ESPN: variants seen among roughly 807,000 people sequenced by gnomAD.
ESPN encodes the protein autosomal recessive deafness type 36 protein.
Under a neutral mutation model 77.7 loss-of-function variants are expected in ESPN, and 68 were observed. That is an observed-to-expected ratio of 0.87 (90% CI 0.72 to 1.07). The LOEUF is 1.07. Among genes scored for constraint, ESPN ranks in the 50% least tolerant of loss-of-function variants. The probability of loss-of-function intolerance (pLI) is 0.00; values close to 1 mark genes in which losing one functional copy is unlikely to be tolerated. For synonymous variants in ESPN, 449 were observed against 567.1 expected (o/e 0.79, Z 2.96); for missense variants, 1,060 against 1,239.0 (o/e 0.86, Z 2.17).
At position 6,428,210 on chromosome 1, in the gene ESPN, A is replaced by G; in HGVS notation, c.295-16A>G. 2 of 1,613,428 alleles carry G rather than the reference A, an allele frequency of 1.2e-6. No individual in the cohort carries two copies. Among genetic ancestry groups the G allele is most frequent in the Non-Finnish European group, 1.7e-6 (2 of 1,179,936 alleles). Reference sequence around the variant, plus strand: ...AGCAACAGGCTTTAGGACTTGAACCAGCTCTCCTCCCACAGGACAAAGACA... The same window carrying G: ...AGCAACAGGCTTTAGGACTTGAACCGGCTCTCCTCCCACAGGACAAAGACA... On this transcript the variant is annotated splice_polypyrimidine_tract_variant and intron_variant, in intron 1 of 12. Transcript: ENST00000645284. The surrounding 1 kb of genome is among the most constrained non-coding windows in gnomAD (Gnocchi z 5.4).
At chr1:6,454,305 C>T (rs1416189345) in intron 10 of ESPN, 1 of 397,588 alleles carries the variant, frequency 2.5e-6, no homozygotes, top group Admixed American at 4.4e-5. Context: ...GACGCGGTCC[C>T]TCCCTGCAGA....
chr1:6,448,802 G>A lies in ESPN; in HGVS notation c.1626G>A (p.Glu542=), dbSNP rs1569711008. The stretch of plus-strand genomic sequence containing the variant: ...GCCCGGGCATGGCGCACAGCGAGGA[G>A]GTGCGTGCCCGCCAGCCCGCGCGCG... The part of the protein sequence containing the change: ...AARPGMAHSE[E]VRARQPARAG... The change falls in exon 8 of 13, where the codon GAG becomes GAA. Residue 542 remains glutamate, a synonymous_variant. Coordinates refer to ENST00000645284, the MANE Select transcript of ESPN (RefSeq NM_031475.3). 7 of 1,303,214 alleles carry A rather than the reference G, an allele frequency of 5.4e-6. No homozygotes were observed. The East Asian group carries it at 1.6e-4, about 29-fold the overall frequency. 80.7% of individuals were successfully genotyped at this position (1,303,214 alleles called of 1,614,324 possible). A position where few individuals can be genotyped will look rare whatever the true frequency, so the allele number is the denominator to read the frequency against.
chr1:6,442,406 TA>T (rs561771841), intron 5 of ESPN, among the ~76,000 whole-genome samples: 3 of 150,870 alleles, frequency 2.0e-5, no homozygotes, highest in African/African-American at 7.3e-5. Context: ...CCATCTCTAC[TA>T]AAAATACAAA....
intron 10 of ESPN, chr1:6,454,372 C>T (rs1479921228): frequency 1.0e-5 from 4 of 398,700 alleles, no homozygotes; most frequent in African/African-American, 4.1e-5. Context: ...CCCGGCGCCA[C>T]GGCGGGAGCT....
In ESPN at chr1:6,449,081, G is replaced by A. The variant is rs1053008277; in HGVS notation, c.1905G>A (p.Ser635=). 21 of 1,484,066 alleles carry A rather than the reference G, an allele frequency of 1.4e-5. No individual in the cohort carries two copies. Among genetic ancestry groups the A allele is most frequent in the Non-Finnish European group, 1.8e-5 (20 of 1,124,154 alleles). The allele number at this position is 1,484,066 out of a possible 1,614,324, so 91.9% of individuals were successfully genotyped here. The change falls in exon 8 of 13, where the codon TCG becomes TCA. Residue 635 remains serine, a synonymous_variant. Coordinates refer to ENST00000645284, the MANE Select transcript of ESPN (RefSeq NM_031475.3). ...GPGCGQRRSS[S]STGSTKSFNM... ...GCTGCGGGCAGCGCCGCTCCTCCTC[G>A]TCCACCGGCAGTGAGTAGGGGCAGG...
intron 10 of ESPN, chr1:6,456,389 G>A (rs1342295013): frequency 1.3e-5 from 5 of 371,596 alleles, no homozygotes; most frequent in East Asian, 3.9e-5. Context: ...GGCGTTGGTC[G>A]GATAGGCAGG....
At chr1:6,432,115 A>C (rs1643274974) in intron 2 of ESPN, among the ~76,000 whole-genome samples, 1 of 152,090 alleles carries the variant, frequency 6.6e-6, no homozygotes, top group African/African-American at 2.4e-5. Context: ...GGCTTCATGG[A>C]GCCTGGCTGC....
chr1:6,433,350 A>G (rs1474639274), intron 2 of ESPN, among the ~76,000 whole-genome samples: 1 of 152,072 alleles, frequency 6.6e-6, no homozygotes, highest in Non-Finnish European at 1.5e-5. Context: ...AGGCTGAGGC[A>G]GGAGAATTGC....
Position 6,460,228 on chromosome 1 carries a change from G to A in ESPN, c.*82G>A. On this transcript the variant is annotated 3_prime_UTR_variant, in exon 13 of 13. Coordinates refer to ENST00000645284, the MANE Select transcript of ESPN (RefSeq NM_031475.3). ...CCAGCCAGCCAGGCCCTGGTGGAAA[G>A]GCTGGGAGCCGCACAGCCCTCCCCT... 5 of 1,551,420 alleles carry A rather than the reference G, an allele frequency of 3.2e-6. No individual in the cohort carries two copies. Among genetic ancestry groups the A allele is most frequent in the Non-Finnish European group, 4.4e-6 (5 of 1,142,146 alleles).
At chr1:6,438,834 G>C (rs549610807) in intron 2 of ESPN, among the ~76,000 whole-genome samples, 2 of 152,362 alleles carry the variant, frequency 1.3e-5, no homozygotes, top group Non-Finnish European at 2.9e-5. Flanking sequence ...GTTGATGGCC[G>C]GGTGCGGTGG....
At chr1:6,434,741 G>A (rs1167513410) in intron 2 of ESPN, among the ~76,000 whole-genome samples, 1 of 152,222 alleles carries the variant, frequency 6.6e-6, no homozygotes, top group Non-Finnish European at 1.5e-5. Context: ...ATGGGTCTGA[G>A]GAATAGGAGA....
chr1:6,445,946 C>T lies in ESPN; in HGVS notation c.1464+11C>T, dbSNP rs749565224. ...GCCCTCAAGAAGGAGGTAGTGAGCC[C>T]TCACCCCCTGCCTGCCTCCCAGCAG... is the stretch of plus-strand genomic sequence containing the variant. On this transcript the variant is annotated intron_variant, in intron 7 of 12. Coordinates refer to ENST00000645284, the MANE Select transcript of ESPN (RefSeq NM_031475.3). 1.2e-5 allele frequency: 19 copies of T among 1,612,154 alleles called. No individual in the cohort carries two copies. In the Admixed American group the frequency reaches 1.3e-4, roughly 11 times the overall value.
In ESPN at chr1:6,451,465, C is replaced by T; in HGVS notation, c.1916-138C>T. The T allele has an allele frequency of 8.0e-7, 1 of 1,249,566 alleles. No individual in the cohort carries two copies. The highest frequency in any genetic ancestry group is 1.1e-6 in the Non-Finnish European group (1 of 877,182). 77.4% of individuals were successfully genotyped at this position (1,249,566 alleles called of 1,614,324 possible). On this transcript the variant is annotated intron_variant, in intron 8 of 12. Transcript: ENST00000645284. This position sits in a 1 kb window ranked among gnomAD's most constrained non-coding sequence, Gnocchi z 4.3. ...GAAACCTGCCTGCAGGACCTGGGAT[C>T]TGGAGAGCTGCCCGCTGGCCCGGAG...
In ESPN at chr1:6,424,825, C is replaced by G. The variant is rs1642973978; in HGVS notation, c.-131C>G. The G allele has an allele frequency of 5.2e-6, 5 of 965,248 alleles. No individual in the cohort carries two copies. Among genetic ancestry groups the G allele is most frequent in the Non-Finnish European group, 5.4e-6 (4 of 737,262 alleles). 59.8% of individuals were successfully genotyped at this position (965,248 alleles called of 1,614,324 possible). A position where few individuals can be genotyped will look rare whatever the true frequency, so the allele number is the denominator to read the frequency against. On this transcript the variant is annotated 5_prime_UTR_variant, in exon 1 of 13. Transcript: ENST00000645284. Reference sequence around the variant, plus strand: ...GGCAGCGCGGAGCGGAGGCCAGGCCCACAGCCGCTCCGCCTCCCGGCCCGC... The same window carrying G: ...GGCAGCGCGGAGCGGAGGCCAGGCCGACAGCCGCTCCGCCTCCCGGCCCGC...
intron 2 of ESPN, 101 bp from the exon 3 acceptor site, chr1:6,440,153 C>A: frequency 1.5e-6 from 2 of 1,295,732 alleles, no homozygotes; most frequent in Non-Finnish European, 2.2e-6. Flanking sequence ...CACCCACTCT[C>A]CCTGCCGTCC....
At position 6,456,007 on chromosome 1, in the gene ESPN, AGCCGCCGCC is replaced by A. The variant is rs1303952750; in HGVS notation, c.2326-1170_2326-1162del. On this transcript the variant is annotated intron_variant, in intron 10 of 12. Coordinates refer to ENST00000645284, the MANE Select transcript of ESPN (RefSeq NM_031475.3). Reference sequence around the variant, plus strand: ...CCCGAGGCCCTGGCCCCTGCGCCGCAGCCGCCGCCGCCGCCCCCGCCCGCCGCGCCTCCC... The same window carrying A: ...CCCGAGGCCCTGGCCCCTGCGCCGCAGCCGCCCCCGCCCGCCGCGCCTCCC... 3 of 397,314 alleles carry A rather than the reference AGCCGCCGCC, an allele frequency of 7.6e-6. No homozygotes were observed. The South Asian group carries it at 3.8e-4, about 51-fold the overall frequency. The allele number at this position is 397,314 out of a possible 1,614,324, so 24.6% of individuals were successfully genotyped here. A position where few individuals can be genotyped will look rare whatever the true frequency, so the allele number is the denominator to read the frequency against.
chr1:6,426,182 A>G (rs890574182), intron 1 of ESPN, among the ~76,000 whole-genome samples: 2 of 152,144 alleles, frequency 1.3e-5, no homozygotes, highest in Non-Finnish European at 2.9e-5. Flanking sequence ...CTGGCTTACT[A>G]TGCCCCAAAG....
At chr1:6,459,244 T>TA (rs56360855) in intron 12 of ESPN, among the ~76,000 whole-genome samples, 7,636 of 141,086 alleles carry the variant, frequency 0.054, 228 homozygotes, top group Non-Finnish European at 0.078. Context: ...CTGTCTCAAT[T>TA]AAAAAAAAAA....
At chr1:6,431,426 T>C (rs1019700394) in intron 2 of ESPN, among the ~76,000 whole-genome samples, 1 of 151,884 alleles carries the variant, frequency 6.6e-6, no homozygotes, top group Non-Finnish European at 1.5e-5. Context: ...CTGACCAACA[T>C]GGTGAAACCC....
Sources: allele counts gnomAD v4.1 joint callset (sites outside exome capture counted in the v4.1 genomes callset), GRCh38; gene constraint gnomAD v4.1.1; non-coding constraint Gnocchi (gnomAD v3.1); transcripts MANE v1.5; gene names NCBI Gene and HGNC (gene_info 2026-07-23, HGNC 2026-07-21).